Variants in NRG1 observed in about 807,000 individuals in gnomAD.
NRG1 encodes neuregulin 1.
Under a neutral mutation model 63.8 loss-of-function variants are expected in NRG1, and 18 were observed. The ratio of observed to expected loss-of-function variants is 0.28; its 90% CI spans 0.19 to 0.42. The LOEUF (loss-of-function observed/expected upper bound fraction) is 0.42. Ranked by LOEUF, NRG1 falls within the 10% of genes least tolerant of loss-of-function variation. The pLI, the probability that NRG1 is intolerant of heterozygous loss-of-function variation, is 1.00. For missense variants in NRG1, 762 were observed against 814.7 expected, an observed-to-expected ratio of 0.94 and a Z score of 0.79; for synonymous variants, 302 against 301.3, an observed-to-expected ratio of 1.00 and a Z score of -0.02.
intron 1 of NRG1, among the ~76,000 whole-genome samples, chr8:32,581,471 A>G (rs972074607): frequency 2.2e-4 from 34 of 152,214 alleles, no homozygotes; most frequent in African/African-American, 7.2e-4. Context: ...GACTTTGCTC[A>G]TTCGTTCTTC....
At chr8:31,748,000 A>G (rs983762556) in intron 1 of NRG1, among the ~76,000 whole-genome samples, 2 of 151,990 alleles carry the variant, frequency 1.3e-5, no homozygotes, top group Admixed American at 1.3e-4. Flanking sequence ...AATACTATCT[A>G]TCAGCAATAC....
At chr8:32,750,125 G>T (rs1828388959) in intron 7 of NRG1, among the ~76,000 whole-genome samples, 1 of 152,148 alleles carries the variant, frequency 6.6e-6, no homozygotes, top group Non-Finnish European at 1.5e-5. Flanking sequence ...GAATTACTCA[G>T]ATTTTCTGGA....
At chr8:32,624,080 C>CT (rs1471779678) in intron 5 of NRG1, among the ~76,000 whole-genome samples, 1 of 152,168 alleles carries the variant, frequency 6.6e-6, no homozygotes, top group African/African-American at 2.4e-5. Flanking sequence ...AACTCAGTGG[C>CT]TTAGATTTCA....
At chr8:32,385,550 A>G (rs897147230) in intron 1 of NRG1, among the ~76,000 whole-genome samples, 1 of 152,152 alleles carries the variant, frequency 6.6e-6, no homozygotes, top group South Asian at 2.1e-4. Context: ...ATTTACAATC[A>G]TGGCGGAAGG....
intron 1 of NRG1, among the ~76,000 whole-genome samples, chr8:32,033,488 G>A (rs966126022): frequency 3.9e-5 from 6 of 152,104 alleles, no homozygotes; most frequent in African/African-American, 1.2e-4. Context: ...TATGAAGAAT[G>A]TCAATTGTAT....
intron 1 of NRG1, among the ~76,000 whole-genome samples, chr8:31,917,189 T>C (rs1386604100): frequency 2.2e-5 from 2 of 89,706 alleles, no homozygotes; most frequent in African/African-American, 8.2e-5. Flanking sequence ...TCTTTTGCTG[T>C]GCAGAAGCTC....
At chr8:32,622,132 G>A (rs193000304) in intron 5 of NRG1, among the ~76,000 whole-genome samples, 7 of 152,192 alleles carry the variant, frequency 4.6e-5, no homozygotes, top group Admixed American at 2.6e-4. Flanking sequence ...GGACAATCGC[G>A]GTGGCTCATG....
chr8:31,742,521 C>A (rs1432744323), intron 1 of NRG1, among the ~76,000 whole-genome samples: 1 of 103,390 alleles, frequency 9.7e-6, no homozygotes, highest in Non-Finnish European at 1.8e-5. Flanking sequence ...GTTGTTTGAC[C>A]TATTAGCACT....
intron 1 of NRG1, among the ~76,000 whole-genome samples, chr8:32,400,646 C>T (rs1236378124): frequency 2.0e-5 from 3 of 152,154 alleles, no homozygotes; most frequent in South Asian, 2.1e-4. Context: ...CAAAAAATAA[C>T]AGATGCTGAC....
chr8:32,168,413 G>A lies in NRG1; in HGVS notation c.38-427415G>A, dbSNP rs1839635236. On this transcript the variant is annotated intron_variant, in intron 1 of 10. Coordinates refer to the NRG1 transcript ENST00000519301. The stretch of plus-strand genomic sequence containing the variant: ...CATGTTCTCAATGGTATTGCAAGTT[G>A]CATTGGGCTAGAATCATGAAGTATT... Among the ~76,000 whole-genome samples, 3 of 152,184 alleles carry A rather than the reference G, an allele frequency of 2.0e-5. No individual in the cohort carries two copies. The South Asian group carries it at 6.2e-4, about 32-fold the overall frequency.
intron 1 of NRG1, among the ~76,000 whole-genome samples, chr8:32,462,602 T>C (rs912345917): frequency 4.5e-5 from 6 of 134,646 alleles, no homozygotes; most frequent in African/African-American, 1.8e-4. Flanking sequence ...ATTCTTTTTT[T>C]TTTTTTTTTT....
At chr8:32,011,315 G>A (rs1047972851) in intron 1 of NRG1, among the ~76,000 whole-genome samples, 2 of 152,026 alleles carry the variant, frequency 1.3e-5, no homozygotes, top group Non-Finnish European at 2.9e-5. Context: ...GCAAGCCCAA[G>A]GTTTTAGAGC....
intron 1 of NRG1, among the ~76,000 whole-genome samples, chr8:32,169,515 G>A (rs1030044240): frequency 5.3e-5 from 8 of 152,178 alleles, no homozygotes; most frequent in Non-Finnish European, 2.9e-5. Context: ...GAATTCTGAG[G>A]TTGGGTTTGA....
chr8:32,188,362 C>T (rs1020914699), intron 1 of NRG1, among the ~76,000 whole-genome samples: 1 of 152,180 alleles, frequency 6.6e-6, no homozygotes, highest in Non-Finnish European at 1.5e-5. Flanking sequence ...CCACTACGCC[C>T]AGCTGGATTA....
At chr8:31,648,962 CT>C (rs58167732) in intron 1 of NRG1, among the ~76,000 whole-genome samples, 75,323 of 135,836 alleles carry the variant, frequency 0.55, 19,993 homozygotes, top group East Asian at 0.66. Flanking sequence ...TTTTTCTTTT[CT>C]TTTTTTTTTT....
chr8:31,701,280 T>C (rs1810602298), intron 1 of NRG1, among the ~76,000 whole-genome samples: 2 of 152,056 alleles, frequency 1.3e-5, no homozygotes, highest in Admixed American at 1.3e-4. Context: ...CCTTCCCCTA[T>C]CACTAAGATC....
chr8:31,720,619 C>A (rs998342198), intron 1 of NRG1, among the ~76,000 whole-genome samples: 2 of 152,072 alleles, frequency 1.3e-5, no homozygotes, highest in African/African-American at 2.4e-5. Context: ...TTAGGCAAAC[C>A]GTTTTTTTGT....
intron 1 of NRG1, among the ~76,000 whole-genome samples, chr8:31,755,758 C>T (rs939362590): frequency 3.9e-5 from 6 of 152,120 alleles, no homozygotes; most frequent in African/African-American, 1.4e-4. Flanking sequence ...GGGCTGTCCA[C>T]TGTTATGAGA....
intron 1 of NRG1, among the ~76,000 whole-genome samples, chr8:32,024,642 C>T (rs758453713): frequency 1.3e-5 from 2 of 152,050 alleles, no homozygotes; most frequent in Non-Finnish European, 2.9e-5. Flanking sequence ...GAGACTCCTG[C>T]GGGAGCCAGA....
Sources: gnomAD v4.1 joint callset for allele counts (sites outside exome capture counted in the v4.1 genomes callset) on GRCh38, gnomAD v4.1.1 for gene constraint, MANE v1.5 for transcripts, NCBI Gene and HGNC (gene_info 2026-07-23, HGNC 2026-07-21) for gene names.